The following HORMAD1 variants were observed in gnomAD, a reference collection of about 807,000 sequenced individuals.
The protein encoded by HORMAD1 is HORMA domain containing 1.
HORMAD1 carries 33 observed loss-of-function variants against 58.2 expected under a neutral mutation model. That is an observed-to-expected ratio of 0.57 (90% confidence interval 0.43 to 0.76). The LOEUF is 0.76. Ranked by LOEUF, HORMAD1 falls within the 30% of genes least tolerant of loss-of-function variation. The probability of loss-of-function intolerance (pLI) is 0.00; values close to 1 mark genes in which losing one functional copy is unlikely to be tolerated. For missense variants in HORMAD1, 363 were observed against 462.0 expected, an observed-to-expected ratio of 0.79 and a Z score of 1.96; for synonymous variants, 137 against 144.6, an observed-to-expected ratio of 0.95 and a Z score of 0.38.
At chr1:150,719,810 T>A (rs1652191405) in intron 1 of HORMAD1, among the ~76,000 whole-genome samples, 1 of 152,230 alleles carries the variant, frequency 6.6e-6, no homozygotes, top group Non-Finnish European at 1.5e-5. Flanking sequence ...TCTTCCTATT[T>A]TTATTCCCTA....
At chr1:150,703,201 A>G in intron 13 of HORMAD1, 109 bp downstream of exon 13, 1 of 663,218 alleles carries the variant, frequency 1.5e-6, no homozygotes, top group South Asian at 1.7e-5. Context: ...CCTGACACAT[A>G]ATAGGTACTT....
At chr1:150,719,938 G>A (rs1652195447) in intron 1 of HORMAD1, among the ~76,000 whole-genome samples, 1 of 151,950 alleles carries the variant, frequency 6.6e-6, no homozygotes, top group Non-Finnish European at 1.5e-5. Flanking sequence ...TTTTTGAGAC[G>A]GAGTTTCGCT....
intron 13 of HORMAD1, among the ~76,000 whole-genome samples, chr1:150,701,570 T>C (rs1651538947): frequency 6.6e-6 from 1 of 152,098 alleles, no homozygotes; most frequent in South Asian, 2.1e-4. Flanking sequence ...GAGTGGGGAG[T>C]TGGGAATAAA....
chr1:150,703,766 T>A (rs940513611), intron 12 of HORMAD1, among the ~76,000 whole-genome samples: 2 of 152,196 alleles, frequency 1.3e-5, no homozygotes, highest in Non-Finnish European at 1.5e-5. Context: ...GATTTTACTG[T>A]ATTTGAAAAG....
intron 2 of HORMAD1, among the ~76,000 whole-genome samples, chr1:150,718,116 TCA>T (rs1301063377): frequency 6.6e-6 from 1 of 152,158 alleles, no homozygotes; most frequent in African/African-American, 2.4e-5. Context: ...TTTAGTTTAT[TCA>T]CAGAGGTGTG....
intron 8 of HORMAD1, among the ~76,000 whole-genome samples, chr1:150,708,649 T>C (rs587736523): frequency 6.6e-6 from 1 of 152,340 alleles, no homozygotes; most frequent in Non-Finnish European, 1.5e-5. Context: ...CATTATGTTT[T>C]AAAATTATAT....
At chr1:150,714,395 C>G (rs1195500955) in intron 4 of HORMAD1, among the ~76,000 whole-genome samples, 1 of 151,930 alleles carries the variant, frequency 6.6e-6, no homozygotes, top group Non-Finnish European at 1.5e-5. Flanking sequence ...GCATGGGGCA[C>G]AAAATAAAGA....
chr1:150,711,405 T>C, intron 7 of HORMAD1, 140 bp downstream of exon 7: 1 of 671,008 alleles, frequency 1.5e-6, no homozygotes, highest in Non-Finnish European at 2.6e-6. Context: ...AAGAGTTTTA[T>C]GAAGCTCAAA....
At chr1:150,711,984 G>A in intron 5 of HORMAD1, 131 bp from the exon 6 acceptor site, 2 of 678,670 alleles carry the variant, frequency 2.9e-6, no homozygotes, top group South Asian at 1.8e-5. Flanking sequence ...GATCTTGACT[G>A]CATAAGATCA....
chr1:150,705,932 T>G (rs1362083200), intron 10 of HORMAD1, among the ~76,000 whole-genome samples: 1 of 152,192 alleles, frequency 6.6e-6, no homozygotes, highest in African/African-American at 2.4e-5. Flanking sequence ...CTTGAAAGAT[T>G]AAAGCAATAA....
intron 8 of HORMAD1, 79 bp downstream of exon 8, chr1:150,708,815 A>G (rs1192353534): frequency 4.0e-6 from 3 of 753,596 alleles, no homozygotes; most frequent in African/African-American, 1.8e-5. Context: ...TTTCAGAATG[A>G]ATCCTGAGGT....
At position 150,708,918 on chromosome 1, in the gene HORMAD1, T is replaced by C. The variant is rs1405607621; in HGVS notation, c.371A>G (p.Asn124Ser). 2.7e-5 allele frequency: 40 copies of C among 1,505,248 alleles called. No homozygotes were observed. The East Asian group carries it at 9.0e-4, about 34-fold the overall frequency. The allele number at this position is 1,505,248 out of a possible 1,614,324, so 93.2% of individuals were successfully genotyped here. Residue 124 changes from asparagine (N) to serine (S), a missense_variant, in exon 8 of 15, where the codon AAT (asparagine) becomes AGT (serine). By Grantham distance (46) the Asn-to-Ser change is conservative. Coordinates refer to ENST00000361824, the MANE Select transcript of HORMAD1 (RefSeq NM_032132.5). The part of the protein sequence containing the change: ...CYQFKFKYTN[N>S]GPLMDFISKN... ...CCTTATGAAGTCCATGAGTGGTCCA[T>C]TATTGGTGTATTTGAATTTGAATTG...
chr1:150,719,964 A>G (rs1014212501), intron 1 of HORMAD1, among the ~76,000 whole-genome samples: 1 of 152,040 alleles, frequency 6.6e-6, no homozygotes, highest in Non-Finnish European at 1.5e-5. Flanking sequence ...GCCAGGCTGG[A>G]GTGCAGTGGC....
intron 13 of HORMAD1, among the ~76,000 whole-genome samples, chr1:150,702,882 G>A (rs900361268): frequency 5.9e-5 from 9 of 152,140 alleles, no homozygotes; most frequent in Non-Finnish European, 5.9e-5. Context: ...TCCTGCACAT[G>A]TATCTTGGAA....
chr1:150,714,150 A>T, intron 4 of HORMAD1, 29 bp from the exon 5 acceptor site: 1 of 1,346,808 alleles, frequency 7.4e-7, no homozygotes, highest in Non-Finnish European at 1.0e-6. Context: ...ATTCATTTTT[A>T]GACTGAATGC....
At chr1:150,706,179 A>G (rs1651685551) in intron 10 of HORMAD1, among the ~76,000 whole-genome samples, 1 of 152,154 alleles carries the variant, frequency 6.6e-6, no homozygotes, top group Non-Finnish European at 1.5e-5. Context: ...AACACTTAGT[A>G]GGGATGTTGT....
At chr1:150,711,183 C>T (rs1047319474) in intron 7 of HORMAD1, among the ~76,000 whole-genome samples, 1 of 152,080 alleles carries the variant, frequency 6.6e-6, no homozygotes, top group African/African-American at 2.4e-5. Context: ...GATGAATATT[C>T]GAAGTTTAAG....
At chr1:150,699,038 A>T (rs1214896196) in intron 14 of HORMAD1, 1 of 200,738 alleles carries the variant, frequency 5.0e-6, no homozygotes, top group Non-Finnish European at 1.0e-5. Flanking sequence ...ATAAGAAGGG[A>T]AAAAAGATTT....
intron 2 of HORMAD1, among the ~76,000 whole-genome samples, chr1:150,719,004 C>A: frequency 0.02 from 2 of 98 alleles, 1 homozygote; most frequent in Non-Finnish European, 1. Flanking sequence ...CGCCTGTAAT[C>A]CCAGCACTTT....
Sources: allele counts gnomAD v4.1 joint callset (sites outside exome capture counted in the v4.1 genomes callset), GRCh38; gene constraint gnomAD v4.1.1; transcripts MANE v1.5; gene names NCBI Gene and HGNC (gene_info 2026-07-23, HGNC 2026-07-21).